The following USP18 variants were observed in gnomAD, a reference collection of about 807,000 sequenced individuals.
USP18 encodes ubiquitin specific peptidase 18, also known as ubl carboxyl-terminal hydrolase 18.
USP18 carries 11 observed loss-of-function variants against 48.7 expected under a neutral mutation model. The ratio of observed to expected loss-of-function variants is 0.23; its 90% confidence interval spans 0.14 to 0.37. The LOEUF (loss-of-function observed/expected upper bound fraction) is 0.37. Ranked by LOEUF, USP18 falls within the 10% of genes least tolerant of loss-of-function variation. The probability of loss-of-function intolerance (pLI) is 1.00; values close to 1 mark genes in which losing one functional copy is unlikely to be tolerated. For synonymous variants in USP18, 114 were observed against 163.2 expected (o/e 0.70, Z 2.30); for missense variants, 285 against 436.4 (o/e 0.65, Z 3.09).
At chr22:18,167,357 C>T (rs377370367) in intron 5 of USP18, 23 bp downstream of exon 5, 17 of 1,612,810 alleles carry the variant, frequency 1.1e-5, no homozygotes, top group Non-Finnish European at 1.4e-5. Context: ...AACCAGAGCA[C>T]TCGGAAGCTT....
chr22:18,166,080 G>C (rs978258216), intron 4 of USP18, among the ~76,000 whole-genome samples: 2 of 152,102 alleles, frequency 1.3e-5, no homozygotes, highest in Non-Finnish European at 2.9e-5. Flanking sequence ...AGCTCTACAC[G>C]CAGTGAGCAG....
At chr22:18,168,058 T>C (rs573953167) in intron 6 of USP18, 22 bp downstream of exon 6, 2 of 1,613,290 alleles carry the variant, frequency 1.2e-6, no homozygotes, top group East Asian at 2.2e-5. Context: ...CTCTTGGTAT[T>C]TGCTGCCCCT....
intron 1 of USP18, among the ~76,000 whole-genome samples, chr22:18,156,353 T>C (rs1298799582): frequency 6.6e-6 from 1 of 152,232 alleles, no homozygotes; most frequent in African/African-American, 2.4e-5. Flanking sequence ...GAGCCAGCAG[T>C]GGCAACCTGG....
At chr22:18,170,405 G>A (rs868714341) in intron 7 of USP18, among the ~76,000 whole-genome samples, 36 of 152,320 alleles carry the variant, frequency 2.4e-4, no homozygotes, top group Non-Finnish European at 3.4e-4. Flanking sequence ...GGCTTCTCAT[G>A]TCGCATCACT....
chr22:18,172,740 C>T (rs1008531263), intron 8 of USP18, among the ~76,000 whole-genome samples: 2 of 150,860 alleles, frequency 1.3e-5, no homozygotes, highest in African/African-American at 4.9e-5. Context: ...CTCAGCTTTG[C>T]GTCTGCCGCC....
chr22:18,158,223 G>T (rs750167710), intron 2 of USP18, among the ~76,000 whole-genome samples: 2 of 152,198 alleles, frequency 1.3e-5, no homozygotes, highest in Non-Finnish European at 2.9e-5. Context: ...GGGCGGCAGA[G>T]GTTGCAGTGA....
Position 18,157,837 on chromosome 22 carries a change from C to G in USP18, c.157+17C>G, listed in dbSNP as rs765363069. On this transcript the variant is annotated intron_variant, in intron 2 of 10. Transcript: ENST00000215794. ...ACCCTCATGGTCATTAGACCCCTCCCGTTTTCCTCTTCTTGACTGCATGTA... is the reference window on the plus strand; with the variant it reads ...ACCCTCATGGTCATTAGACCCCTCCGGTTTTCCTCTTCTTGACTGCATGTA... 3 of 1,613,680 alleles carry G rather than the reference C, an allele frequency of 1.9e-6. No individual in the cohort carries two copies. Among genetic ancestry groups the G allele is most frequent in the Non-Finnish European group, 2.5e-6 (3 of 1,179,776 alleles).
intron 2 of USP18, 111 bp downstream of exon 2, chr22:18,157,931 G>A: frequency 1.4e-6 from 2 of 1,433,354 alleles, no homozygotes; most frequent in Non-Finnish European, 9.5e-7. Context: ...GCTTTCCTGT[G>A]CCTGAGTTTC....
chr22:18,157,689 G>A lies in USP18; in HGVS notation c.26G>A (p.Arg9Lys), dbSNP rs780691276. 2.5e-6 allele frequency: 4 copies of A among 1,614,120 alleles called. No homozygotes were observed. Among genetic ancestry groups the A allele is most frequent in the Admixed American group, 1.7e-5 (1 of 60,012 alleles). MSKAFGLL[R>K]QICQSILAES... Reference sequence around the variant, plus strand: ...ATGAGCAAGGCGTTTGGGCTCCTGAGGCAAATCTGTCAGTCCATCCTGGCT... The same window carrying A: ...ATGAGCAAGGCGTTTGGGCTCCTGAAGCAAATCTGTCAGTCCATCCTGGCT... The change falls in exon 2 of 11, where the codon AGG becomes AAG. Residue 9 changes from arginine to lysine, a missense_variant. Physicochemically the swap from Arg to Lys is conservative, Grantham distance 26. This residue lies in a region of USP18 where 199 missense variants were observed against 239.6 expected (regional missense o/e 0.83). Transcript: ENST00000215794.
intron 10 of USP18, among the ~76,000 whole-genome samples, chr22:18,174,700 C>T (rs1020648643): frequency 5.3e-5 from 8 of 150,850 alleles, no homozygotes; most frequent in Non-Finnish European, 1.0e-4. Context: ...GTGATCCTCC[C>T]ACCTCAGCCT....
intron 10 of USP18, 110 bp downstream of exon 10, chr22:18,173,952 T>A: frequency 6.7e-7 from 1 of 1,499,266 alleles, no homozygotes; most frequent in East Asian, 2.4e-5. Context: ...TGGCTCACTG[T>A]CCGCCTCATC....
intron 10 of USP18, among the ~76,000 whole-genome samples, chr22:18,175,893 G>C (rs1929773611): frequency 6.7e-6 from 1 of 149,770 alleles, no homozygotes; most frequent in Non-Finnish European, 1.5e-5. Context: ...ACTGAGGCAG[G>C]AGGGTCAGTT....
At chr22:18,174,975 A>G (rs990272584) in intron 10 of USP18, among the ~76,000 whole-genome samples, 2 of 152,122 alleles carry the variant, frequency 1.3e-5, no homozygotes, top group Non-Finnish European at 2.9e-5. Context: ...GTGCAGTAGC[A>G]GGATCTCAGC....
chr22:18,159,852 C>T (rs1267216760), intron 2 of USP18, among the ~76,000 whole-genome samples: 1 of 151,752 alleles, frequency 6.6e-6, no homozygotes, highest in Non-Finnish European at 1.5e-5. Context: ...ATTTTTTTTG[C>T]ATTTTTAGTA....
At chr22:18,175,186 T>C (rs958759614) in intron 10 of USP18, among the ~76,000 whole-genome samples, 1 of 152,228 alleles carries the variant, frequency 6.6e-6, no homozygotes, top group African/African-American at 2.4e-5. Context: ...GTGCTGGGAT[T>C]ACAGGCATGA....
In USP18 at chr22:18,173,264, G is replaced by A. The variant is rs746818373; in HGVS notation, c.1006G>A (p.Asp336Asn). 1 of 1,583,134 alleles carries A rather than the reference G, an allele frequency of 6.3e-7. No homozygotes were observed. Among genetic ancestry groups the A allele is most frequent in the Non-Finnish European group, 8.6e-7 (1 of 1,164,792 alleles). Residue 336 changes from aspartate (D) to asparagine (N), a missense_variant, in exon 9 of 11, where the codon GAC becomes AAC. By Grantham distance (23) the Asp-to-Asn change is conservative. Transcript: ENST00000215794. ...GGATGGAAAATGGTTCTGCTTCAATGACTCCAATATTTGCTTGGTAAGAAA... is the reference window on the plus strand; with the variant it reads ...GGATGGAAAATGGTTCTGCTTCAATAACTCCAATATTTGCTTGGTAAGAAA... ...AVDGKWFCFN[D>N]SNICLVSWED...
At chr22:18,159,986 AT>A (rs1187386261) in intron 2 of USP18, among the ~76,000 whole-genome samples, 185 bp from the exon 3 acceptor site, 4 of 149,570 alleles carry the variant, frequency 2.7e-5, no homozygotes, top group Non-Finnish European at 4.4e-5. Context: ...TGATTTTTGG[AT>A]TTTTTTTGTA....
At chr22:18,156,803 A>G (rs1929160678) in intron 1 of USP18, among the ~76,000 whole-genome samples, 1 of 152,164 alleles carries the variant, frequency 6.6e-6, no homozygotes, top group African/African-American at 2.4e-5. Context: ...GAACTGTAAC[A>G]CTCACTGCGA....
At chr22:18,174,232 T>C (rs1321497771) in intron 10 of USP18, among the ~76,000 whole-genome samples, 7 of 145,920 alleles carry the variant, frequency 4.8e-5, no homozygotes, top group African/African-American at 1.8e-4. Flanking sequence ...TCTTTTCTTT[T>C]CTTTTTTTTT....
Sources: gnomAD v4.1 joint callset for allele counts (sites outside exome capture counted in the v4.1 genomes callset) on GRCh38, gnomAD v4.1.1 for gene constraint, gnomAD v4.1.1 regional missense constraint, MANE v1.5 for transcripts, NCBI Gene and HGNC (gene_info 2026-07-23, HGNC 2026-07-21) for gene names.